Variants in MKNK1 observed in about 807,000 individuals in gnomAD.
The protein encoded by MKNK1 is MAP kinase-interacting serine/threonine-protein kinase 1.
Under a neutral mutation model 49.3 loss-of-function variants are expected in MKNK1, and 30 were observed. The observed-to-expected ratio is 0.61, with a 90% CI of 0.46 to 0.83. The LOEUF is 0.83. Among genes scored for constraint, MKNK1 ranks in the 40% least tolerant of loss-of-function variants. MKNK1 has a pLI of 0.00. For synonymous variants in MKNK1, 176 were observed against 201.7 expected (o/e 0.87, Z 1.08); for missense variants, 423 against 524.7 (o/e 0.81, Z 1.89).
At chr1:46,567,656 G>A (rs28633077) in intron 8 of MKNK1, among the ~76,000 whole-genome samples, 4 of 152,154 alleles carry the variant, frequency 2.6e-5, no homozygotes, top group African/African-American at 4.8e-5. Flanking sequence ...TTTATGAGCC[G>A]CGGCTTCATC....
At chr1:46,584,653 C>G (rs1436225813) in intron 2 of MKNK1, 2 of 152,156 alleles carry the variant, frequency 1.3e-5, no homozygotes, top group African/African-American at 4.8e-5. Flanking sequence ...TCATGCAGGT[C>G]CATACACTGT....
rs182927308 is a variant in MKNK1 at position 46,583,201 on chromosome 1, C to A, written c.100+27G>T. The stretch of plus-strand genomic sequence containing the variant: ...TCCCATGCTTGGGAAGCTGCAGGCC[C>A]AGATATAGGGAAGTTGTGTGACCAA... On this transcript the variant is annotated intron_variant, in intron 3 of 12. Coordinates refer to ENST00000371945, the MANE Select transcript of MKNK1 (RefSeq NM_001135553.4). 183 of 1,588,578 alleles carry A rather than the reference C, an allele frequency of 1.2e-4. 1 individual carries two copies. Among genetic ancestry groups the A allele is most frequent in the Admixed American group, 6.2e-4 (37 of 59,606 alleles).
chr1:46,586,639 C>T (rs1275477075), intron 2 of MKNK1, among the ~76,000 whole-genome samples: 3 of 149,418 alleles, frequency 2.0e-5, no homozygotes, highest in Admixed American at 6.8e-5. Context: ...GTCACACTGG[C>T]CTTTTAGGTA....
At chr1:46,574,842 C>A in intron 6 of MKNK1, 105 bp downstream of exon 6, 2 of 763,452 alleles carry the variant, frequency 2.6e-6, no homozygotes, top group South Asian at 1.8e-5. Context: ...GTCCTTCATC[C>A]TTTTTATTAG....
At chr1:46,586,042 A>T (rs1570264318) in intron 2 of MKNK1, 1 of 708,338 alleles carries the variant, frequency 1.4e-6, no homozygotes, top group South Asian at 1.5e-5. Context: ...CTGGTTACAC[A>T]GGGGGAAGCG....
chr1:46,594,049 T>C, intron 2 of MKNK1, 64 bp downstream of exon 2: 1 of 1,281,086 alleles, frequency 7.8e-7, no homozygotes. Flanking sequence ...TTCCTCTGGA[T>C]GTATCAGATC....
rs937817663 is a variant in MKNK1, at chr1:46,560,282, A to G, written c.970-5T>C. ...GAGTCCCTTTTCTGGAGCTTGCTAG[A>G]ATGGGAAGGACAGATGTGTAGGTAA... is the stretch of plus-strand genomic sequence containing the variant. On this transcript the variant is annotated splice_polypyrimidine_tract_variant and splice_region_variant and intron_variant, in intron 11 of 12. Coordinates refer to ENST00000371945, the MANE Select transcript of MKNK1 (RefSeq NM_001135553.4). The G allele has an allele frequency of 3.1e-6, 5 of 1,613,938 alleles. No individual in the cohort carries two copies. Among genetic ancestry groups the G allele is most frequent in the Non-Finnish European group, 4.2e-6 (5 of 1,179,974 alleles).
chr1:46,593,793 T>C, intron 2 of MKNK1: 1 of 168,152 alleles, frequency 5.9e-6, no homozygotes, highest in Non-Finnish European at 1.3e-5. Flanking sequence ...GAGGCAGAGG[T>C]TGCCGTGAGC....
intron 7 of MKNK1, among the ~76,000 whole-genome samples, chr1:46,570,877 T>C (rs1767612): frequency 0.097 from 14,787 of 152,200 alleles, 2,321 homozygotes; most frequent in African/African-American, 0.33. Flanking sequence ...TTTTCATCTA[T>C]AAAAAGCTTA....
intron 8 of MKNK1, among the ~76,000 whole-genome samples, chr1:46,565,885 C>T (rs1199092367): frequency 3.9e-5 from 6 of 152,122 alleles, no homozygotes; most frequent in African/African-American, 1.4e-4. Flanking sequence ...CTGGGCAAGT[C>T]CCTCGACTTC....
rs543765738 is a variant in MKNK1, at chr1:46,589,558, C to T, written c.-3+4555G>A. 6.6e-6 allele frequency among the ~76,000 whole-genome samples: 1 copy of T among 152,334 alleles called. No homozygotes were observed. The highest frequency in any genetic ancestry group is 6.5e-5 in the Admixed American group (1 of 15,310). ...TCCATTAAAATAGGAATGCATGTTTCGTCTCTTTGTAAAACCTGTGAGTGA... is the reference window on the plus strand; with the variant it reads ...TCCATTAAAATAGGAATGCATGTTTTGTCTCTTTGTAAAACCTGTGAGTGA... On this transcript the variant is annotated intron_variant, in intron 2 of 12. Transcript: ENST00000371945. The surrounding 1 kb of genome is among the most constrained non-coding windows in gnomAD (Gnocchi z 4.3).
intron 2 of MKNK1, chr1:46,586,188 G>C (rs1672539971): frequency 3.1e-6 from 1 of 322,732 alleles, no homozygotes; most frequent in Admixed American, 3.9e-5. Flanking sequence ...GATAAATGCT[G>C]CCTCAGGGAG....
At chr1:46,560,690 T>A (rs142862589) in intron 11 of MKNK1, among the ~76,000 whole-genome samples, 1,839 of 152,338 alleles carry the variant, frequency 0.012, 31 homozygotes, top group African/African-American at 0.041. Flanking sequence ...ACTTATCCCC[T>A]TGTCTACTTC....
At position 46,562,816 on chromosome 1, in the gene MKNK1, C is replaced by T. The variant is rs1668273376; in HGVS notation, c.637G>A (p.Glu213Lys). The change falls in exon 10 of 13, where the codon GAG becomes AAG. Residue 213 changes from glutamate (E) to lysine (K), a missense_variant. Transcript: ENST00000371945. ...PCGSAEYMAP[E>K]VVEVFTDQAT... ...TGGTCCGTGAAGACCTCCACTACCT[C>T]AGGGGCCATGTATTCTGCAGAGCCA... 1.2e-6 allele frequency: 2 copies of T among 1,612,636 alleles called. No homozygotes were observed. The highest frequency in any genetic ancestry group is 4.5e-5 in the East Asian group (2 of 44,860).
chr1:46,566,924 C>T (rs1669164203), intron 8 of MKNK1, among the ~76,000 whole-genome samples: 1 of 152,194 alleles, frequency 6.6e-6, no homozygotes. Context: ...TTCTCACATT[C>T]TGTAGATTGT....
intron 3 of MKNK1, among the ~76,000 whole-genome samples, chr1:46,580,833 G>A (rs1671622604): frequency 6.6e-6 from 1 of 152,154 alleles, no homozygotes; most frequent in Admixed American, 6.5e-5. Flanking sequence ...AAGGCATCCT[G>A]TTCCTCATTT....
At chr1:46,564,467 T>TTTTG (rs1668673103) in intron 9 of MKNK1, among the ~76,000 whole-genome samples, 1 of 6,086 alleles carries the variant, frequency 1.6e-4, no homozygotes, top group African/African-American at 2.2e-4. Flanking sequence ...TTTTTTATTG[T>TTTTG]TTTTTTTTTT....
intron 8 of MKNK1, among the ~76,000 whole-genome samples, chr1:46,566,151 C>T (rs1269162809): frequency 6.6e-6 from 1 of 152,220 alleles, no homozygotes; most frequent in African/African-American, 2.4e-5. Context: ...CTTTCTTCCC[C>T]TAGCCCTGGG....
intron 7 of MKNK1, chr1:46,569,957 G>A (rs1669808766): frequency 1.3e-5 from 2 of 152,256 alleles, no homozygotes; most frequent in African/African-American, 4.8e-5. Context: ...CAGCCATCGA[G>A]CTGCTCCGGT....
Sources: allele counts gnomAD v4.1 joint callset (sites outside exome capture counted in the v4.1 genomes callset), GRCh38; gene constraint gnomAD v4.1.1; non-coding constraint Gnocchi (gnomAD v3.1); transcripts MANE v1.5; gene names NCBI Gene and HGNC (gene_info 2026-07-23, HGNC 2026-07-21).